KIR3DL1: variants seen among roughly 807,000 people sequenced by gnomAD.
KIR3DL1 encodes the protein killer cell immunoglobulin like receptor, three Ig domains and long cytoplasmic tail 1, also known as killer cell immunoglobulin-like receptor 3DL1.
In KIR3DL1, 50 loss-of-function variants were observed where a neutral mutation model predicts 40.3. That is an observed-to-expected ratio of 1.24 (90% CI 0.99 to 1.57). The LOEUF is 1.57. Ranked by LOEUF, KIR3DL1 falls within the 40% of genes most tolerant of loss-of-function variation. The pLI is 0.00. For synonymous variants in KIR3DL1, 257 were observed against 207.2 expected (o/e 1.24, Z -2.07); for missense variants, 661 against 559.9 (o/e 1.18, Z -1.82).
At chr19:54,817,373 G>A (rs2061402964) in intron 1 of KIR3DL1, among the ~76,000 whole-genome samples, 161 bp from the exon 2 acceptor site, 2 of 144,922 alleles carry the variant, frequency 1.4e-5, no homozygotes, top group South Asian at 4.5e-4. Context: ...CTCAGTCTCT[G>A]CACAGCCGAG....
exon 4 of KIR3DL1, chr19:54,819,837 C>T: frequency 6.2e-7 from 1 of 1,611,986 alleles, no homozygotes; most frequent in Non-Finnish European, 8.5e-7. Flanking sequence ...AAGAGGGGAT[C>T]TCTAAGGACC....
chr19:54,827,375 G>C (rs1195500914), intron 6 of KIR3DL1, among the ~76,000 whole-genome samples: 3 of 150,772 alleles, frequency 2.0e-5, no homozygotes, highest in South Asian at 4.2e-4. Context: ...TGGATTCCAA[G>C]AAGTCAGGAG....
chr19:54,816,636 G>C lies in KIR3DL1; in HGVS notation c.34+102G>C, dbSNP rs1313427391. On this transcript the variant is annotated intron_variant, in intron 1 of 8. Transcript: ENST00000391728. ...AGGTGGAGTTATGGGCCTAGAGGTG[G>C]AGTTATGGGCCTGAAGTGGAGATCT... 11 of 1,468,832 alleles carry C rather than the reference G, an allele frequency of 7.5e-6. 1 individual carries two copies. Among genetic ancestry groups the C allele is most frequent in the Non-Finnish European group, 1.0e-5 (11 of 1,072,388 alleles). The allele number at this position is 1,468,832 out of a possible 1,614,324, so 91.0% of individuals were successfully genotyped here. A position where few individuals can be genotyped will look rare whatever the true frequency, so the allele number is the denominator to read the frequency against.
Position 54,821,840 on chromosome 19 carries a change from C to A in KIR3DL1, c.931C>A (p.Leu311Met), listed in dbSNP as rs2061657410. 3 of 1,601,806 alleles carry A rather than the reference C, an allele frequency of 1.9e-6. 1 individual carries two copies. Among genetic ancestry groups the A allele is most frequent in the Non-Finnish European group, 2.6e-6 (3 of 1,172,684 alleles). Residue 311 changes from leucine to methionine, a missense_variant, in exon 5 of 9, where the codon CTG becomes ATG. Physicochemically the swap from Leu to Met is conservative, Grantham distance 15. Around this residue, in one of 3 missense-constraint regions of KIR3DL1, gnomAD observed 548 missense variants for 413.3 expected, o/e 1.33. Coordinates refer to ENST00000391728, the Ensembl canonical transcript of KIR3DL1. ...CGAGTGGTCAGACCCGAGTGACCCA[C>A]TGCTTGTTTCTGTCACAGGTGAGAA...
chr19:54,823,879 C>T (rs1318902490), intron 5 of KIR3DL1, among the ~76,000 whole-genome samples: 1 of 151,508 alleles, frequency 6.6e-6, no homozygotes, highest in Non-Finnish European at 1.5e-5. Context: ...TTTTCATATA[C>T]GTGATCGCCA....
intron 6 of KIR3DL1, among the ~76,000 whole-genome samples, chr19:54,826,922 G>A (rs372726969): frequency 5.9e-5 from 9 of 151,984 alleles, no homozygotes; most frequent in East Asian, 3.9e-4. Flanking sequence ...AGGAGTGTGT[G>A]TTTGACACTC....
chr19:54,821,521 A>T, intron 4 of KIR3DL1, 44 bp from the exon 5 acceptor site: 6 of 1,577,694 alleles, frequency 3.8e-6, no homozygotes, highest in Non-Finnish European at 4.3e-6. Context: ...GGGAGCTATG[A>T]CAAGGAAGAA....
At chr19:54,816,557 G>A in intron 1 of KIR3DL1, 23 bp downstream of exon 1, 6 of 1,608,432 alleles carry the variant, frequency 3.7e-6, no homozygotes, top group Non-Finnish European at 5.1e-6. Flanking sequence ...AGGGAATCGA[G>A]GGAGGGAGTG....
rs763240849 is a variant in KIR3DL1 at position 54,822,082 on chromosome 19, A to T, written c.949+224A>T. Among the ~76,000 whole-genome samples the T allele has an allele frequency of 6.0e-3, 912 of 150,978 alleles. 14 individuals carry two copies. Among genetic ancestry groups the T allele is most frequent in the Middle Eastern group, 0.024 (7 of 294 alleles). On this transcript the variant is annotated intron_variant, in intron 5 of 8. Coordinates refer to ENST00000391728, the Ensembl canonical transcript of KIR3DL1. ...GCTCCAGGCACCCAGGCAGATGGAG[A>T]AAGCGGTCAGGACAGACCCAGAGAA...
chr19:54,819,874 G>C (rs1436445455), exon 4 of KIR3DL1: 6 of 1,612,140 alleles, frequency 3.7e-6, no homozygotes, highest in African/African-American at 1.3e-5. Flanking sequence ...ACAGATCCAT[G>C]ATGGGGTCTC....
rs2061414475 is a variant in KIR3DL1, at chr19:54,817,573, A to G, written c.70+4A>G. 1 of 1,509,514 alleles carries G rather than the reference A, an allele frequency of 6.6e-7. No individual in the cohort carries two copies. The highest frequency in any genetic ancestry group is 9.0e-7 in the Non-Finnish European group (1 of 1,108,278). The allele number at this position is 1,509,514 out of a possible 1,614,324, so 93.5% of individuals were successfully genotyped here. ...CAGAGGGCCGGTCCACACATGGGTG[A>G]GTCCTTCCCCAAACCTTAGGGTGTC... On this transcript the variant is annotated splice_donor_region_variant and intron_variant, in intron 2 of 8. Transcript: ENST00000391728.
Position 54,824,241 on chromosome 19 carries a change from T to A in KIR3DL1, c.950-787T>A, listed in dbSNP as rs537626678. On this transcript the variant is annotated intron_variant, in intron 5 of 8. Coordinates refer to ENST00000391728, the Ensembl canonical transcript of KIR3DL1. Reference sequence around the variant, plus strand: ...TCAGGCCTTAGACTCATGTTTTTAATCCATTTTCATTTGATTTTTGTGTAT... The same window carrying A: ...TCAGGCCTTAGACTCATGTTTTTAAACCATTTTCATTTGATTTTTGTGTAT... Among the ~76,000 whole-genome samples, 58 of 151,774 alleles carry A rather than the reference T, an allele frequency of 3.8e-4. 1 individual carries two copies. Among genetic ancestry groups the A allele is most frequent in the Admixed American group, 7.2e-4 (11 of 15,268 alleles).
chr19:54,830,186 C>G lies in KIR3DL1; in HGVS notation c.1246C>G (p.Gln416Glu), dbSNP rs181925412. ...ACAGAGAAAAATCACTCGCCCTTCTCAGAGGCCCAAGACACCCCCTACAGA... is the reference window on the plus strand; with the variant it reads ...ACAGAGAAAAATCACTCGCCCTTCTGAGAGGCCCAAGACACCCCCTACAGA... The change falls in exon 9 of 9, where the codon CAG becomes GAG. Residue 416 changes from glutamine (Q) to glutamate (E), a missense_variant. Physicochemically the swap from Gln to Glu is conservative, Grantham distance 29. This residue lies in a region of KIR3DL1 where 107 missense variants were observed against 129.4 expected (regional missense o/e 0.83). Transcript: ENST00000391728. The G allele has an allele frequency of 2.0e-4, 300 of 1,524,544 alleles. 58 individuals are homozygous for G. In the East Asian group the frequency reaches 4.7e-3, roughly 24 times the overall value. 94.4% of individuals were successfully genotyped at this position (1,524,544 alleles called of 1,614,324 possible).
chr19:54,825,580 G>A (rs1240972452), intron 6 of KIR3DL1, among the ~76,000 whole-genome samples: 2 of 150,050 alleles, frequency 1.3e-5, no homozygotes, highest in Admixed American at 6.6e-5. Flanking sequence ...TTCAGCCACG[G>A]CCCCATGCTC....
chr19:54,830,722 A>T (rs2062189425), exon 9 of KIR3DL1: 1 of 202,400 alleles, frequency 4.9e-6, no homozygotes, highest in South Asian at 9.5e-5. Context: ...AAACTTATAA[A>T]ATTTTTTGTG....
At chr19:54,827,764 C>T (rs2061980526) in intron 6 of KIR3DL1, among the ~76,000 whole-genome samples, 1 of 150,690 alleles carries the variant, frequency 6.6e-6, no homozygotes, top group Admixed American at 6.6e-5. Flanking sequence ...AAACCTCTTC[C>T]GTATTTGGCT....
exon 9 of KIR3DL1, chr19:54,830,254 C>A: frequency 6.6e-7 from 1 of 1,523,070 alleles, no homozygotes. Flanking sequence ...AGCCCAGATC[C>A]AAAGTTGTCT....
Position 54,821,046 on chromosome 19 carries a change from G to C in KIR3DL1, c.656-519G>C, listed in dbSNP as rs1601345962. 1.3e-5 allele frequency among the ~76,000 whole-genome samples: 2 copies of C among 149,990 alleles called. 1 individual carries two copies. The highest frequency in any genetic ancestry group is 4.9e-5 in the African/African-American group (2 of 40,562). On this transcript the variant is annotated intron_variant, in intron 4 of 8. Coordinates refer to ENST00000391728, the Ensembl canonical transcript of KIR3DL1. Reference sequence around the variant, plus strand: ...TAGACACATAGATATATACATAGATGATACATAAATAGAGACAGAGAGGCA... The same window carrying C: ...TAGACACATAGATATATACATAGATCATACATAAATAGAGACAGAGAGGCA...
intron 4 of KIR3DL1, 23 bp from the exon 5 acceptor site, chr19:54,821,542 G>A: frequency 6.3e-7 from 1 of 1,596,866 alleles, no homozygotes; most frequent in South Asian, 1.1e-5. Context: ...CCTCCCTGAG[G>A]AAACTGCCTC....
Sources: allele counts gnomAD v4.1 joint callset (sites outside exome capture counted in the v4.1 genomes callset), GRCh38; gene constraint gnomAD v4.1.1; regional missense constraint gnomAD v4.1.1; transcripts MANE v1.5; gene names NCBI Gene and HGNC (gene_info 2026-07-23, HGNC 2026-07-21).